TNNI3K: variants seen among roughly 807,000 people sequenced by gnomAD.
TNNI3K encodes the protein TNNI3 interacting kinase, also known as serine/threonine-protein kinase TNNI3K.
TNNI3K carries 140 observed loss-of-function variants against 114.5 expected under a neutral mutation model. That is an observed-to-expected ratio of 1.22 (90% CI 1.07 to 1.41). The LOEUF (loss-of-function observed/expected upper bound fraction) is 1.41, where lower values mean the gene tolerates loss of function less well. Among genes scored for constraint, TNNI3K ranks in the 40% most tolerant of loss-of-function variants. The pLI is 0.00. For synonymous variants in TNNI3K, 347 were observed against 347.5 expected (o/e 1.00, Z 0.02); for missense variants, 1,125 against 1,007.6 (o/e 1.12, Z -1.58).
intron 2 of TNNI3K, among the ~76,000 whole-genome samples, chr1:74,237,263 C>CAT (rs1370859953): frequency 6.6e-6 from 1 of 151,910 alleles, no homozygotes; most frequent in African/African-American, 2.4e-5. Flanking sequence ...TACCACTGAT[C>CAT]TGACTTTTGC....
intron 5 of TNNI3K, among the ~76,000 whole-genome samples, chr1:74,290,014 T>C (rs1298168272): frequency 2.6e-5 from 4 of 151,736 alleles, no homozygotes; most frequent in Admixed American, 2.6e-4. Context: ...TCTTATTGTC[T>C]CTATTCAATA....
intron 20 of TNNI3K, among the ~76,000 whole-genome samples, chr1:74,459,180 C>A (rs1409150728): frequency 1.3e-5 from 2 of 152,092 alleles, no homozygotes; most frequent in African/African-American, 4.8e-5. Context: ...AAAATAATGT[C>A]CATTGCAGCA....
intron 21 of TNNI3K, among the ~76,000 whole-genome samples, chr1:74,481,641 A>G (rs545422800): frequency 1.3e-5 from 2 of 152,334 alleles, no homozygotes; most frequent in South Asian, 4.1e-4. Flanking sequence ...GAAGTCCATC[A>G]TGTGATGACA....
intron 17 of TNNI3K, among the ~76,000 whole-genome samples, chr1:74,430,264 C>T (rs1050877744): frequency 1.3e-5 from 2 of 152,002 alleles, no homozygotes; most frequent in African/African-American, 4.8e-5. Flanking sequence ...CATTCGAGCA[C>T]TTTAGGTAAA....
intron 2 of TNNI3K, among the ~76,000 whole-genome samples, chr1:74,246,714 C>T (rs1221867776): frequency 6.6e-6 from 1 of 152,122 alleles, no homozygotes; most frequent in Non-Finnish European, 1.5e-5. Flanking sequence ...AACTTAATGG[C>T]AAATACTGAA....
At chr1:74,419,943 G>T (rs1570598395) in intron 17 of TNNI3K, among the ~76,000 whole-genome samples, 1 of 151,978 alleles carries the variant, frequency 6.6e-6, no homozygotes, top group Non-Finnish European at 1.5e-5. Context: ...GTATTAAGAG[G>T]GTGTGATACA....
At chr1:74,481,871 A>T (rs1265219732) in intron 21 of TNNI3K, among the ~76,000 whole-genome samples, 6 of 152,204 alleles carry the variant, frequency 3.9e-5, no homozygotes, top group Non-Finnish European at 8.8e-5. Context: ...TCTATAGGTG[A>T]TATTAGAATA....
intron 5 of TNNI3K, among the ~76,000 whole-genome samples, chr1:74,292,355 T>G (rs1657735325): frequency 6.6e-6 from 1 of 151,594 alleles, no homozygotes; most frequent in Non-Finnish European, 1.5e-5. Context: ...TAACAGCATT[T>G]TAGGCTACAC....
intron 5 of TNNI3K, among the ~76,000 whole-genome samples, chr1:74,282,620 G>C (rs1014857757): frequency 1.3e-5 from 2 of 152,112 alleles, no homozygotes; most frequent in Non-Finnish European, 2.9e-5. Flanking sequence ...GCTTCAACAC[G>C]TGAATTTCAG....
intron 13 of TNNI3K, among the ~76,000 whole-genome samples, chr1:74,368,244 A>G (rs929432840): frequency 6.6e-6 from 1 of 151,820 alleles, no homozygotes; most frequent in African/African-American, 2.4e-5. Flanking sequence ...AATGAATTAT[A>G]AATATTAATA....
chr1:74,494,622 T>A (rs1457132582), intron 23 of TNNI3K, among the ~76,000 whole-genome samples: 1 of 152,210 alleles, frequency 6.6e-6, no homozygotes, highest in East Asian at 1.9e-4. Flanking sequence ...TTGATATTTC[T>A]AAAGCACAGT....
intron 23 of TNNI3K, among the ~76,000 whole-genome samples, chr1:74,495,293 A>G (rs952520405): frequency 6.6e-6 from 1 of 152,136 alleles, no homozygotes; most frequent in Non-Finnish European, 1.5e-5. Flanking sequence ...CTTAAAATCA[A>G]CTCTAGGAAT....
chr1:74,378,952 A>G (rs996136191), intron 17 of TNNI3K: 3 of 151,998 alleles, frequency 2.0e-5, no homozygotes, highest in African/African-American at 4.8e-5. Flanking sequence ...TTATACAAAT[A>G]TAATGTTAGT....
intron 21 of TNNI3K, chr1:74,471,909 A>G (rs1266984928): frequency 6.0e-6 from 3 of 500,136 alleles, no homozygotes; most frequent in Non-Finnish European, 1.1e-5. Context: ...TACAGATAAG[A>G]GAATTGTTTG....
intron 20 of TNNI3K, among the ~76,000 whole-genome samples, chr1:74,440,385 AT>A (rs1345506217): frequency 1.3e-5 from 2 of 152,114 alleles, no homozygotes; most frequent in Non-Finnish European, 2.9e-5. Context: ...ATCATAAGTA[AT>A]TTTAAATAAT....
intron 17 of TNNI3K, among the ~76,000 whole-genome samples, chr1:74,376,427 A>G (rs1662907957): frequency 1.3e-5 from 2 of 152,106 alleles, no homozygotes; most frequent in Admixed American, 6.6e-5. Flanking sequence ...TTCTGCATCC[A>G]TTGGCAAATA....
chr1:74,294,967 G>A (rs1016409716), intron 5 of TNNI3K, among the ~76,000 whole-genome samples: 1 of 151,454 alleles, frequency 6.6e-6, no homozygotes, highest in Non-Finnish European at 1.5e-5. Context: ...TGAATTATTA[G>A]ATTATTTATT....
At position 74,451,657 on chromosome 1, in the gene TNNI3K, T is replaced by TTTTTC. The variant is rs1553148015; in HGVS notation, c.2012-11755_2012-11751dup. The stretch of plus-strand genomic sequence containing the variant: ...CTTTTTCTTTCTTTCTTTCCTTTCT[T>TTTTTC]TTTTCTTTTCTTTTCTTTTCTTTTC... On this transcript the variant is annotated intron_variant, in intron 20 of 24. Transcript: ENST00000326637. 1.4e-3 allele frequency among the ~76,000 whole-genome samples: 75 copies of TTTTTC among 53,114 alleles called. 5 individuals carry two copies. The highest frequency in any genetic ancestry group is 1.6e-3 in the Non-Finnish European group (38 of 24,172). 34.8% of individuals were successfully genotyped at this position (53,114 alleles called of 152,430 possible). A position where few individuals can be genotyped will look rare whatever the true frequency, so the allele number is the denominator to read the frequency against.
chr1:74,511,509 T>C (rs1211452760), intron 23 of TNNI3K, among the ~76,000 whole-genome samples: 1 of 152,208 alleles, frequency 6.6e-6, no homozygotes, highest in Non-Finnish European at 1.5e-5. Context: ...AATGTATGTG[T>C]CATTTTCCCT....
Sources: gnomAD v4.1 joint callset for allele counts (sites outside exome capture counted in the v4.1 genomes callset) on GRCh38, gnomAD v4.1.1 for gene constraint, MANE v1.5 for transcripts, NCBI Gene and HGNC (gene_info 2026-07-23, HGNC 2026-07-21) for gene names.